LRTM1: variants seen among roughly 807,000 people sequenced by gnomAD.
The protein encoded by LRTM1 is leucine rich repeat transmembrane protein 1, also known as leucine-rich repeat and transmembrane domain-containing protein 1.
LRTM1 carries 38 observed loss-of-function variants against 32.4 expected under a neutral mutation model. The ratio of observed to expected loss-of-function variants is 1.17; its 90% CI spans 0.91 to 1.54. The LOEUF (loss-of-function observed/expected upper bound fraction) is 1.54. Among genes scored for constraint, LRTM1 ranks in the 40% most tolerant of loss-of-function variants. The pLI, the probability that LRTM1 is intolerant of heterozygous loss-of-function variation, is 0.00. For missense variants in LRTM1, 466 were observed against 415.4 expected (o/e 1.12, Z -1.06); for synonymous variants, 186 against 169.9 (o/e 1.09, Z -0.74).
At chr3:54,937,127 A>C (rs1248924246) in intron 1 of LRTM1, among the ~76,000 whole-genome samples, 9 of 152,110 alleles carry the variant, frequency 5.9e-5, no homozygotes, top group Non-Finnish European at 1.3e-4. Context: ...AGGTGAAGAC[A>C]CCCTTACTTA....
intron 1 of LRTM1, among the ~76,000 whole-genome samples, chr3:54,964,385 A>G (rs1702096846): frequency 1.4e-5 from 2 of 148,140 alleles, no homozygotes; most frequent in Admixed American, 1.4e-4. Context: ...ACTGTCTAAA[A>G]CATTACAAAC....
chr3:54,945,426 A>G (rs191897806), intron 1 of LRTM1, among the ~76,000 whole-genome samples: 15 of 152,256 alleles, frequency 9.9e-5, no homozygotes, highest in Admixed American at 2.0e-4. Context: ...TCTCTCCTGT[A>G]TCCAGCCCAG....
At chr3:54,958,378 G>A (rs1395983517) in intron 1 of LRTM1, among the ~76,000 whole-genome samples, 1 of 152,184 alleles carries the variant, frequency 6.6e-6, no homozygotes, top group Non-Finnish European at 1.5e-5. Flanking sequence ...GGGCGACAGA[G>A]CAAGACCCCA....
intron 1 of LRTM1, 69 bp downstream of exon 1, chr3:54,927,836 A>T: frequency 6.6e-7 from 1 of 1,523,852 alleles, no homozygotes; most frequent in South Asian, 1.1e-5. Context: ...TCCCGCAGAT[A>T]CCTTTGTGAG....
upstream of LRTM1, among the ~76,000 whole-genome samples, chr3:54,931,178 A>G (rs1338064271): frequency 1.3e-5 from 2 of 152,152 alleles, no homozygotes; most frequent in Non-Finnish European, 2.9e-5. Context: ...GGCTGCTCCC[A>G]CCTAAAACAC....
chr3:54,955,025 C>T (rs1236043829), intron 1 of LRTM1, among the ~76,000 whole-genome samples: 1 of 152,208 alleles, frequency 6.6e-6, no homozygotes, highest in Non-Finnish European at 1.5e-5. Flanking sequence ...ACTTCCCCTT[C>T]ACCCTCTGAA....
Position 54,946,570 on chromosome 3 carries a change from C to T in LRTM1, c.-222+20358G>A, listed in dbSNP as rs775496184. Among the ~76,000 whole-genome samples the T allele has an allele frequency of 5.3e-5, 8 of 152,192 alleles. No individual in the cohort carries two copies. In the South Asian group the frequency reaches 6.2e-4, roughly 12 times the overall value. Reference sequence around the variant, plus strand: ...CCTTCCAGTGGAAAGTTTGACTTAACGAAGAAGAGCAGGTTACTTTCACCA... The same window carrying T: ...CCTTCCAGTGGAAAGTTTGACTTAATGAAGAAGAGCAGGTTACTTTCACCA... On this transcript the variant is annotated intron_variant, in intron 1 of 2. Transcript: ENST00000493075.
intron 1 of LRTM1, among the ~76,000 whole-genome samples, chr3:54,947,263 A>T (rs1043590320): frequency 1.3e-5 from 2 of 152,150 alleles, no homozygotes; most frequent in Non-Finnish European, 1.5e-5. Context: ...CCTTTACTCT[A>T]TGCTGCCTCT....
At chr3:54,949,186 T>C (rs1575400328) in intron 1 of LRTM1, among the ~76,000 whole-genome samples, 1 of 152,172 alleles carries the variant, frequency 6.6e-6, no homozygotes, top group Non-Finnish European at 1.5e-5. Context: ...TTGATATAGT[T>C]TTGGTCAGTG....
At chr3:54,923,356 C>A (rs907077633) in intron 2 of LRTM1, among the ~76,000 whole-genome samples, 1 of 152,112 alleles carries the variant, frequency 6.6e-6, no homozygotes, top group South Asian at 2.1e-4. Context: ...TCATCAAGCC[C>A]TTTGCGTTCA....
At chr3:54,938,465 C>T (rs1701382652) in intron 1 of LRTM1, among the ~76,000 whole-genome samples, 1 of 152,152 alleles carries the variant, frequency 6.6e-6, no homozygotes, top group Non-Finnish European at 1.5e-5. Context: ...CTAACATAAT[C>T]CTAGTTGGTG....
At chr3:54,922,567 AT>A (rs1700884932) in intron 2 of LRTM1, among the ~76,000 whole-genome samples, 2 of 152,032 alleles carry the variant, frequency 1.3e-5, no homozygotes, top group Non-Finnish European at 2.9e-5. Flanking sequence ...GTTGAGAAGG[AT>A]TTATTCAATA....
chr3:54,937,153 C>T (rs1701349788), intron 1 of LRTM1, among the ~76,000 whole-genome samples: 1 of 152,170 alleles, frequency 6.6e-6, no homozygotes, highest in African/African-American at 2.4e-5. Context: ...AAGGTGTGCT[C>T]AAGGGACTCT....
Position 54,918,683 on chromosome 3 carries a change from C to T in LRTM1, c.814G>A (p.Glu272Lys), listed in dbSNP as rs773408157. The T allele has an allele frequency of 5.0e-6, 8 of 1,614,142 alleles. No individual in the cohort carries two copies. Among genetic ancestry groups the T allele is most frequent in the Non-Finnish European group, 5.9e-6 (7 of 1,180,034 alleles). ...GCCGGCCTTGGCTTGGGTTTGAGCTCGCACTCCAAGAGTTCTCGCTCCCCC... is the reference window on the plus strand; with the variant it reads ...GCCGGCCTTGGCTTGGGTTTGAGCTTGCACTCCAAGAGTTCTCGCTCCCCC... The part of the protein sequence containing the change: ...NAGERELLEC[E>K]LKPKPRPANL... Residue 272 changes from glutamate to lysine, a missense_variant, in exon 3 of 3, where the codon GAG (glutamate) becomes AAG (lysine). By Grantham distance (56) the Glu-to-Lys change is moderately conservative. Coordinates refer to ENST00000273286, the MANE Select transcript of LRTM1 (RefSeq NM_020678.4).
chr3:54,965,284 C>T (rs1406068505), intron 1 of LRTM1, among the ~76,000 whole-genome samples: 1 of 152,196 alleles, frequency 6.6e-6, no homozygotes, highest in Non-Finnish European at 1.5e-5. Context: ...GACCTTTTGC[C>T]ATTTGACCTC....
intron 1 of LRTM1, among the ~76,000 whole-genome samples, chr3:54,939,033 T>A (rs1701394609): frequency 1.3e-5 from 2 of 152,324 alleles, no homozygotes; most frequent in East Asian, 3.9e-4. Context: ...ACTGTGATGC[T>A]ACCTCTCCAT....
chr3:54,927,968 G>C lies in LRTM1; in HGVS notation c.-57C>G. The C allele has an allele frequency of 1.3e-6, 2 of 1,563,690 alleles. No homozygotes were observed. The highest frequency in any genetic ancestry group is 1.1e-5 in the South Asian group (1 of 89,964). On this transcript the variant is annotated 5_prime_UTR_variant, in exon 1 of 3. Transcript: ENST00000273286. ...TCGTAGACCCTTTAATTAATGTGCA[G>C]AGCAACACACGAAGGGCATGGCAGA...
At chr3:54,954,141 A>G (rs1160587804) in intron 1 of LRTM1, among the ~76,000 whole-genome samples, 1 of 152,168 alleles carries the variant, frequency 6.6e-6, no homozygotes, top group Non-Finnish European at 1.5e-5. Flanking sequence ...TAATCATGTC[A>G]TCATGCAGGC....
intron 1 of LRTM1, among the ~76,000 whole-genome samples, chr3:54,945,729 A>G (rs1302327040): frequency 6.6e-6 from 1 of 152,148 alleles, no homozygotes; most frequent in Non-Finnish European, 1.5e-5. Flanking sequence ...TTAGGTGTCT[A>G]TAGGCAGCCT....
Sources: allele counts gnomAD v4.1 joint callset (sites outside exome capture counted in the v4.1 genomes callset), GRCh38; gene constraint gnomAD v4.1.1; transcripts MANE v1.5; gene names NCBI Gene and HGNC (gene_info 2026-07-23, HGNC 2026-07-21).